Variants in SH3GL2 observed in about 807,000 individuals in gnomAD.
SH3GL2 encodes the protein SH3 domain containing GRB2 like 2, endophilin A1.
SH3GL2 carries 24 observed loss-of-function variants against 46.0 expected under a neutral mutation model. That is an observed-to-expected ratio of 0.52 (90% CI 0.38 to 0.73). SH3GL2 has a LOEUF of 0.73. Ranked by LOEUF, SH3GL2 falls within the 30% of genes least tolerant of loss-of-function variation. SH3GL2 has a pLI of 0.00. For synonymous variants in SH3GL2, 196 were observed against 147.1 expected, an observed-to-expected ratio of 1.33 and a Z score of -2.40; for missense variants, 413 against 424.2, an observed-to-expected ratio of 0.97 and a Z score of 0.23.
At chr9:17,749,464 G>A (rs1048838177) in intron 2 of SH3GL2, among the ~76,000 whole-genome samples, 10 of 152,194 alleles carry the variant, frequency 6.6e-5, no homozygotes, top group African/African-American at 2.4e-4. Context: ...CTCACCCCTG[G>A]AGAGCATTTA....
At chr9:17,787,341 C>G (rs1823990115) in intron 4 of SH3GL2, 39 bp from the exon 5 acceptor site, 1 of 1,586,908 alleles carries the variant, frequency 6.3e-7, no homozygotes, top group Non-Finnish European at 8.6e-7. Context: ...TGCATTTCAT[C>G]TTTATTCTGT....
rs147405186 is a variant in SH3GL2, at chr9:17,753,475, C to T, written c.114+6341C>T. 2.0e-3 allele frequency among the ~76,000 whole-genome samples: 298 copies of T among 152,252 alleles called. 2 individuals carry two copies. Among genetic ancestry groups the T allele is most frequent in the African/African-American group, 7.0e-3 (289 of 41,568 alleles). On this transcript the variant is annotated intron_variant, in intron 2 of 8. Transcript: ENST00000380607. ...TGTTTCTTGGCCACATAAATGTCTT[C>T]TTTTGAAAAGTATTCATGTCCTTTG...
intron 8 of SH3GL2, among the ~76,000 whole-genome samples, chr9:17,795,008 C>T (rs1188179052): frequency 1.3e-5 from 2 of 152,170 alleles, no homozygotes; most frequent in African/African-American, 2.4e-5. Context: ...ATTCCGTTTT[C>T]ACCACATTAC....
chr9:17,794,505 G>T (rs1824225832), intron 8 of SH3GL2, among the ~76,000 whole-genome samples: 1 of 152,142 alleles, frequency 6.6e-6, no homozygotes, highest in South Asian at 2.1e-4. Flanking sequence ...CAGAAATTGT[G>T]TATAGCTATG....
chr9:17,713,654 A>C (rs1317304009), intron 1 of SH3GL2, among the ~76,000 whole-genome samples: 1 of 151,580 alleles, frequency 6.6e-6, no homozygotes, highest in Non-Finnish European at 1.5e-5. Flanking sequence ...GATTATTTAG[A>C]AGTGCATTAT....
intron 1 of SH3GL2, among the ~76,000 whole-genome samples, chr9:17,594,734 A>G (rs1337357523): frequency 6.6e-6 from 1 of 152,160 alleles, no homozygotes; most frequent in African/African-American, 2.4e-5. Context: ...CCTTGATGGT[A>G]TCCTCTAGGG....
chr9:17,763,479 A>G (rs531073601), intron 3 of SH3GL2, among the ~76,000 whole-genome samples: 16 of 152,302 alleles, frequency 1.1e-4, no homozygotes, highest in East Asian at 1.9e-4. Context: ...AAAGAAGGCC[A>G]CGTGAAGAAT....
chr9:17,796,599 G>A lies in SH3GL2; in HGVS notation c.*856G>A, dbSNP rs1222324680. The A allele has an allele frequency of 1.3e-5, 2 of 152,518 alleles. No individual in the cohort carries two copies. Among genetic ancestry groups the A allele is most frequent in the African/African-American group, 2.4e-5 (1 of 41,444 alleles). 9.4% of individuals were successfully genotyped at this position (152,518 alleles called of 1,614,324 possible). A position where few individuals can be genotyped will look rare whatever the true frequency, so the allele number is the denominator to read the frequency against. The stretch of plus-strand genomic sequence containing the variant: ...CTTCAGTTTTATTTGTGAATTACAT[G>A]TTTCATGAATCCATTTGGCACAGAG... On this transcript the variant is annotated 3_prime_UTR_variant, in exon 9 of 9. Transcript: ENST00000380607.
intron 1 of SH3GL2, among the ~76,000 whole-genome samples, chr9:17,736,832 G>T (rs1472682331): frequency 6.6e-6 from 1 of 152,006 alleles, no homozygotes; most frequent in Non-Finnish European, 1.5e-5. Flanking sequence ...CATTGCCTGT[G>T]GTTCCAAATG....
At chr9:17,661,681 T>A (rs1202252236) in intron 1 of SH3GL2, among the ~76,000 whole-genome samples, 2 of 152,194 alleles carry the variant, frequency 1.3e-5, no homozygotes, top group Non-Finnish European at 2.9e-5. Flanking sequence ...GGGGTATTGA[T>A]GTAATCTTTT....
intron 1 of SH3GL2, among the ~76,000 whole-genome samples, chr9:17,649,690 G>A (rs985971189): frequency 2.6e-5 from 4 of 152,112 alleles, no homozygotes; most frequent in East Asian, 1.9e-4. Flanking sequence ...GCAAATACAC[G>A]TATTAGGTCT....
intron 1 of SH3GL2, among the ~76,000 whole-genome samples, chr9:17,742,073 T>TCAGGGAAAAAA (rs1822542177): frequency 1.3e-5 from 2 of 152,086 alleles, no homozygotes; most frequent in Admixed American, 1.3e-4. Context: ...ATCAGGGAAA[T>TCAGGGAAAAAA]TAAGAGGTAA....
chr9:17,686,585 T>G (rs1004563384), intron 1 of SH3GL2, among the ~76,000 whole-genome samples: 1 of 146,424 alleles, frequency 6.8e-6, no homozygotes, highest in Non-Finnish European at 1.5e-5. Flanking sequence ...GTGGCACATA[T>G]ACACCATGGA....
chr9:17,669,826 G>T (rs1196944303), intron 1 of SH3GL2, among the ~76,000 whole-genome samples: 1 of 152,180 alleles, frequency 6.6e-6, no homozygotes, highest in Admixed American at 6.5e-5. Context: ...AGAATTCTTG[G>T]TCTCATAGCC....
At chr9:17,674,022 T>C (rs1204665552) in intron 1 of SH3GL2, among the ~76,000 whole-genome samples, 1 of 152,186 alleles carries the variant, frequency 6.6e-6, no homozygotes, top group Non-Finnish European at 1.5e-5. Flanking sequence ...TTTCCCTCTT[T>C]CCTTGTGTGG....
At chr9:17,782,095 T>C (rs1395991313) in intron 3 of SH3GL2, among the ~76,000 whole-genome samples, 1 of 152,186 alleles carries the variant, frequency 6.6e-6, no homozygotes, top group Non-Finnish European at 1.5e-5. Flanking sequence ...AGAAAATCTT[T>C]TAAAAATAGA....
At position 17,699,349 on chromosome 9, in the gene SH3GL2, A is replaced by T. The variant is rs547979729; in HGVS notation, c.46-47717A>T. On this transcript the variant is annotated intron_variant, in intron 1 of 8. Coordinates refer to ENST00000380607, the MANE Select transcript of SH3GL2 (RefSeq NM_003026.5). ...CAAGGTGAAGGAAACAAGCAGTCACAGCTTATATTTTTCCAAACTAAATTA... is the reference window on the plus strand; with the variant it reads ...CAAGGTGAAGGAAACAAGCAGTCACTGCTTATATTTTTCCAAACTAAATTA... Among the ~76,000 whole-genome samples the T allele has an allele frequency of 3.8e-4, 58 of 152,274 alleles. 1 individual carries two copies. The highest frequency in any genetic ancestry group is 1.2e-3 in the African/African-American group (48 of 41,568).
At chr9:17,739,810 C>T (rs947155020) in intron 1 of SH3GL2, among the ~76,000 whole-genome samples, 1 of 151,976 alleles carries the variant, frequency 6.6e-6, no homozygotes, top group Non-Finnish European at 1.5e-5. Context: ...AGTAATTTGC[C>T]CCATAGTCTA....
chr9:17,666,377 T>A (rs906537642), intron 1 of SH3GL2, among the ~76,000 whole-genome samples: 2 of 152,092 alleles, frequency 1.3e-5, no homozygotes, highest in African/African-American at 4.8e-5. Flanking sequence ...ACATTATGAC[T>A]CTAATTCTTT....
Sources: gnomAD v4.1 joint callset for allele counts (sites outside exome capture counted in the v4.1 genomes callset) on GRCh38, gnomAD v4.1.1 for gene constraint, MANE v1.5 for transcripts, NCBI Gene and HGNC (gene_info 2026-07-23, HGNC 2026-07-21) for gene names.